The following EBF3 variants were observed in gnomAD, a reference collection of about 807,000 sequenced individuals.
EBF3 encodes the protein EBF transcription factor 3, also known as transcription factor COE3.
Under a neutral mutation model 77.1 loss-of-function variants are expected in EBF3, and 18 were observed. That is an observed-to-expected ratio of 0.23 (90% CI 0.16 to 0.35). The LOEUF (loss-of-function observed/expected upper bound fraction) is 0.35. Among genes scored for constraint, EBF3 ranks in the 10% least tolerant of loss-of-function variants. EBF3 has a pLI of 1.00. For synonymous variants in EBF3, 350 were observed against 343.5 expected, an observed-to-expected ratio of 1.02 and a Z score of -0.21; for missense variants, 558 against 860.0, an observed-to-expected ratio of 0.65 and a Z score of 4.39.
At chr10:129,893,799 G>A (rs1358562562) in intron 6 of EBF3, among the ~76,000 whole-genome samples, 1 of 152,194 alleles carries the variant, frequency 6.6e-6, no homozygotes, top group Admixed American at 6.5e-5. Flanking sequence ...TCATTGATCA[G>A]TCTGACTCGG....
At chr10:129,929,936 G>C (rs4751150) in intron 6 of EBF3, among the ~76,000 whole-genome samples, 6 of 152,096 alleles carry the variant, frequency 3.9e-5, no homozygotes, top group Admixed American at 2.0e-4. Flanking sequence ...GGTGTGAGTC[G>C]GAGCACACTG....
intron 6 of EBF3, among the ~76,000 whole-genome samples, chr10:129,928,447 T>C (rs1564898199): frequency 6.6e-6 from 1 of 152,224 alleles, no homozygotes; most frequent in Non-Finnish European, 1.5e-5. Context: ...GTTTCCATTG[T>C]ATGCACTAAT....
rs535812621 is a variant in EBF3, at chr10:129,942,690, T to C, written c.554+14568A>G. ...GCATGCCACGATCACATTTATTTCT[T>C]CTAAATAACGCCTGCCTGTCTGCCA... On this transcript the variant is annotated intron_variant, in intron 6 of 16. Transcript: ENST00000440978. Among the ~76,000 whole-genome samples the C allele has an allele frequency of 1.5e-4, 23 of 152,334 alleles. 1 individual carries two copies. In the East Asian group the frequency reaches 3.9e-3, roughly 26 times the overall value.
chr10:129,862,160 AAAG>A (rs1169917174), intron 10 of EBF3, among the ~76,000 whole-genome samples: 4 of 152,346 alleles, frequency 2.6e-5, no homozygotes, highest in African/African-American at 4.8e-5. Context: ...ACTTTAAAAG[AAAG>A]AAGAAGGAAA....
rs1396955820 is a variant in EBF3, at chr10:129,964,057, G to T, written c.-289C>A. On this transcript the variant is annotated 5_prime_UTR_variant, in exon 1 of 17. Coordinates refer to ENST00000440978, the MANE Select transcript of EBF3 (RefSeq NM_001375380.1). This position sits in a 1 kb window ranked among gnomAD's most constrained non-coding sequence, Gnocchi z 4.5. ...CTTGTTGTTGTTGTTGTTTGCAGGC[G>T]CGCTCAACGTGGTGTCATCCTAGCC... 1 of 985,222 alleles carries T rather than the reference G, an allele frequency of 1.0e-6. No individual in the cohort carries two copies. The highest frequency in any genetic ancestry group is 1.2e-6 in the Non-Finnish European group (1 of 829,860). The allele number at this position is 985,222 out of a possible 1,614,324, so 61.0% of individuals were successfully genotyped here.
chr10:129,875,939 A>C (rs939785531), intron 7 of EBF3, among the ~76,000 whole-genome samples: 1 of 152,274 alleles, frequency 6.6e-6, no homozygotes, highest in African/African-American at 2.4e-5. Flanking sequence ...AATATGATGC[A>C]AAGATGCGTA....
chr10:129,909,922 C>G (rs533537634), intron 6 of EBF3, among the ~76,000 whole-genome samples: 1 of 152,256 alleles, frequency 6.6e-6, no homozygotes, highest in African/African-American at 2.4e-5. Flanking sequence ...GAAATCAATA[C>G]GCCTCACAAA....
intron 15 of EBF3, 59 bp downstream of exon 15, chr10:129,840,184 ACT>A: frequency 3.8e-4 from 319 of 830,968 alleles, no homozygotes; most frequent in Non-Finnish European, 5.3e-4. Context: ...CCCCACCCCC[ACT>A]CCCATCCCCA....
At position 129,864,542 on chromosome 10, in the gene EBF3, C is replaced by T. The variant is rs910934852; in HGVS notation, c.1039+2599G>A. Among the ~76,000 whole-genome samples the T allele has an allele frequency of 6.6e-6, 1 of 152,202 alleles. No individual in the cohort carries two copies. Among genetic ancestry groups the T allele is most frequent in the Non-Finnish European group, 1.5e-5 (1 of 68,044 alleles). The stretch of plus-strand genomic sequence containing the variant: ...GCAGACTTCCCCACCAAAAAGCCCA[C>T]ATATGCAAAGATCTGAACTCATGAA... On this transcript the variant is annotated intron_variant, in intron 10 of 16. Coordinates refer to ENST00000440978, the MANE Select transcript of EBF3 (RefSeq NM_001375380.1). This position sits in a 1 kb window ranked among gnomAD's most constrained non-coding sequence, Gnocchi z 4.4.
chr10:129,896,615 C>T (rs751208734), intron 6 of EBF3, among the ~76,000 whole-genome samples: 3 of 152,196 alleles, frequency 2.0e-5, no homozygotes, highest in African/African-American at 4.8e-5. Context: ...GGCCTCCTGG[C>T]GAGCCTCCCG....
chr10:129,862,113 G>A (rs1199675223), intron 10 of EBF3, among the ~76,000 whole-genome samples: 3 of 152,084 alleles, frequency 2.0e-5, no homozygotes, highest in African/African-American at 2.4e-5. Flanking sequence ...ACACAGCGTC[G>A]CCCCTTGACA....
rs893367514 is a variant in EBF3 at position 129,870,852 on chromosome 10, G to A, written c.781+2600C>T. On this transcript the variant is annotated intron_variant, in intron 8 of 16. Coordinates refer to ENST00000440978, the MANE Select transcript of EBF3 (RefSeq NM_001375380.1). The surrounding 1 kb of genome is among the most constrained non-coding windows in gnomAD (Gnocchi z 4.4). ...ATTCTATTAGTAAACAGCTTCCCCA[G>A]CCTGGTCCCATTAATCAGCCCTCCT... Among the ~76,000 whole-genome samples the A allele has an allele frequency of 1.3e-5, 2 of 152,104 alleles. No homozygotes were observed. The highest frequency in any genetic ancestry group is 2.4e-5 in the African/African-American group (1 of 41,418).
chr10:129,927,222 TG>T (rs1046423944), intron 6 of EBF3, among the ~76,000 whole-genome samples: 3 of 152,304 alleles, frequency 2.0e-5, no homozygotes, highest in Admixed American at 2.0e-4. Flanking sequence ...AACCAGCACA[TG>T]GCCAGGAGGA....
At chr10:129,948,728 C>T (rs892673635) in intron 6 of EBF3, among the ~76,000 whole-genome samples, 2 of 152,116 alleles carry the variant, frequency 1.3e-5, no homozygotes, top group South Asian at 2.1e-4. Context: ...GTTTTTAAAG[C>T]GTTATGAGAA....
intron 10 of EBF3, among the ~76,000 whole-genome samples, chr10:129,865,942 C>G (rs1280960932): frequency 6.6e-6 from 1 of 152,154 alleles, no homozygotes; most frequent in African/African-American, 2.4e-5. Flanking sequence ...CCCAGGACAC[C>G]AGGCCACAGT....
chr10:129,933,591 C>T (rs942504041), intron 6 of EBF3, among the ~76,000 whole-genome samples: 4 of 152,202 alleles, frequency 2.6e-5, no homozygotes, highest in African/African-American at 7.2e-5. Flanking sequence ...AAGGGAATCC[C>T]GCTCCCAGCC....
chr10:129,895,324 A>G (rs576120576), intron 6 of EBF3, among the ~76,000 whole-genome samples: 5 of 152,272 alleles, frequency 3.3e-5, no homozygotes, highest in African/African-American at 1.2e-4. Flanking sequence ...CAGGCTCCAG[A>G]GGGAGTGGAC....
At chr10:129,882,337 G>C (rs980161558) in intron 6 of EBF3, among the ~76,000 whole-genome samples, 1 of 152,248 alleles carries the variant, frequency 6.6e-6, no homozygotes, top group Admixed American at 6.5e-5. Context: ...AACGGCTACA[G>C]AACTTTGTGG....
rs2134665796 is a variant in EBF3 at position 129,964,233 on chromosome 10, G to A, written c.-465C>T. Reference sequence around the variant, plus strand: ...CGGGGCCTGGAGCGGCGCGCGCAGCGGACGGAGGCGCACAAAACTCAGCCC... The same window carrying A: ...CGGGGCCTGGAGCGGCGCGCGCAGCAGACGGAGGCGCACAAAACTCAGCCC... On this transcript the variant is annotated 5_prime_UTR_variant, in exon 1 of 17. Transcript: ENST00000440978. The surrounding 1 kb of genome is among the most constrained non-coding windows in gnomAD (Gnocchi z 4.5). 1.0e-6 allele frequency: 1 copy of A among 984,948 alleles called. No homozygotes were observed. The highest frequency in any genetic ancestry group is 1.2e-6 in the Non-Finnish European group (1 of 829,782). 61.0% of individuals were successfully genotyped at this position (984,948 alleles called of 1,614,324 possible). A position where few individuals can be genotyped will look rare whatever the true frequency, so the allele number is the denominator to read the frequency against.
Sources: gnomAD v4.1 joint callset for allele counts (sites outside exome capture counted in the v4.1 genomes callset) on GRCh38, gnomAD v4.1.1 for gene constraint, Gnocchi (gnomAD v3.1) non-coding constraint, MANE v1.5 for transcripts, NCBI Gene and HGNC (gene_info 2026-07-23, HGNC 2026-07-21) for gene names.